Variants in PHF20 observed in about 807,000 individuals in gnomAD.
The protein encoded by PHF20 is PHD finger protein 20.
A neutral mutation model predicts 113.5 loss-of-function variants in PHF20; 23 were observed. That is an observed-to-expected ratio of 0.20 (90% CI 0.15 to 0.29). The LOEUF (loss-of-function observed/expected upper bound fraction) is 0.29, where lower values mean the gene tolerates loss of function less well. Among genes scored for constraint, PHF20 ranks in the 10% least tolerant of loss-of-function variants. The pLI is 1.00. For missense variants in PHF20, 943 were observed against 1,219.6 expected, an observed-to-expected ratio of 0.77 and a Z score of 3.38; for synonymous variants, 434 against 457.3, an observed-to-expected ratio of 0.95 and a Z score of 0.65.
At chr20:35,886,389 G>A (rs1336508968) in intron 9 of PHF20, among the ~76,000 whole-genome samples, 2 of 152,048 alleles carry the variant, frequency 1.3e-5, no homozygotes, top group East Asian at 1.9e-4. Flanking sequence ...CCCTCCCAAA[G>A]TGTTGGGATT....
intron 3 of PHF20, among the ~76,000 whole-genome samples, chr20:35,846,152 C>A (rs1346897104): frequency 2.0e-5 from 3 of 151,398 alleles, no homozygotes; most frequent in Admixed American, 1.3e-4. Context: ...CAGTATTGTT[C>A]CATTTGACTT....
Position 35,847,318 on chromosome 20 carries a change from C to G in PHF20, c.256-32C>G. The G allele has an allele frequency of 2.2e-6, 3 of 1,350,352 alleles. No individual in the cohort carries two copies. In the South Asian group the frequency reaches 3.7e-5, roughly 16 times the overall value. 83.6% of individuals were successfully genotyped at this position (1,350,352 alleles called of 1,614,324 possible). Reference sequence around the variant, plus strand: ...ATGTCCTGTGAAATTAGGTTGGTAACAGGATCTTTTTTTTTTTTTTATGTT... The same window carrying G: ...ATGTCCTGTGAAATTAGGTTGGTAAGAGGATCTTTTTTTTTTTTTTATGTT... On this transcript the variant is annotated intron_variant, in intron 3 of 17. Transcript: ENST00000374012.
chr20:35,856,730 G>A (rs994729194), intron 4 of PHF20, among the ~76,000 whole-genome samples: 1 of 152,164 alleles, frequency 6.6e-6, no homozygotes, highest in Non-Finnish European at 1.5e-5. Flanking sequence ...AACTGTTGTG[G>A]GTATTTGAGC....
intron 1 of PHF20, among the ~76,000 whole-genome samples, chr20:35,793,688 T>C (rs2041604896): frequency 6.6e-6 from 1 of 151,810 alleles, no homozygotes; most frequent in South Asian, 2.1e-4. Context: ...CAATTACTTA[T>C]CTCTGTCAGA....
intron 6 of PHF20, among the ~76,000 whole-genome samples, chr20:35,866,450 A>ACC (rs1297276103): frequency 2.0e-5 from 3 of 152,142 alleles, no homozygotes; most frequent in African/African-American, 7.2e-5. Context: ...CAGATGGGGA[A>ACC]CCCCAGTTGA....
chr20:35,821,319 C>T (rs1439408058), intron 2 of PHF20, among the ~76,000 whole-genome samples: 1 of 151,192 alleles, frequency 6.6e-6, no homozygotes, highest in Non-Finnish European at 1.5e-5. Flanking sequence ...CCTGTAATCC[C>T]AGTTACTCAG....
At chr20:35,896,799 C>CAA (rs34377497) in intron 9 of PHF20, among the ~76,000 whole-genome samples, 9,046 of 62,248 alleles carry the variant, frequency 0.15, 468 homozygotes, top group South Asian at 0.2. Context: ...GACTCCGTCT[C>CAA]AAAAAAAAAA....
At chr20:35,807,536 A>AGAGGCG (rs1270256044) in intron 2 of PHF20, among the ~76,000 whole-genome samples, 2 of 151,924 alleles carry the variant, frequency 1.3e-5, no homozygotes, top group Non-Finnish European at 2.9e-5. Context: ...ATGTTTTAGT[A>AGAGGCG]GAGGCGGGGT....
At chr20:35,842,375 G>A (rs2042550981) in intron 2 of PHF20, among the ~76,000 whole-genome samples, 198 bp from the exon 3 acceptor site, 1 of 152,044 alleles carries the variant, frequency 6.6e-6, no homozygotes, top group South Asian at 2.1e-4. Context: ...CATAAACTAA[G>A]GAATATGCAG....
intron 2 of PHF20, among the ~76,000 whole-genome samples, chr20:35,839,711 T>C (rs1008967931): frequency 1.3e-5 from 2 of 152,192 alleles, no homozygotes; most frequent in African/African-American, 2.4e-5. Flanking sequence ...TTATGTCTTT[T>C]GTTAATATTT....
At chr20:35,787,274 G>A (rs1315568696) in intron 1 of PHF20, among the ~76,000 whole-genome samples, 2 of 151,884 alleles carry the variant, frequency 1.3e-5, no homozygotes, top group East Asian at 3.9e-4. Flanking sequence ...CTGCCTCCCA[G>A]GTTCAAGCGA....
intron 3 of PHF20, among the ~76,000 whole-genome samples, chr20:35,843,836 C>T (rs1322156422): frequency 6.6e-6 from 1 of 152,094 alleles, no homozygotes; most frequent in Non-Finnish European, 1.5e-5. Context: ...CCTTGGTCTC[C>T]CACAGTGCTA....
At chr20:35,836,999 G>A (rs914944054) in intron 2 of PHF20, among the ~76,000 whole-genome samples, 4 of 151,668 alleles carry the variant, frequency 2.6e-5, no homozygotes, top group East Asian at 1.9e-4. Context: ...GCAAAACCCC[G>A]TTTCTACAAA....
At position 35,949,026 on chromosome 20, in the gene PHF20, T is replaced by C. The variant is rs2056133145; in HGVS notation, c.*1399T>C. 1 of 152,670 alleles carries C rather than the reference T, an allele frequency of 6.6e-6. No homozygotes were observed. Among genetic ancestry groups the C allele is most frequent in the Non-Finnish European group, 1.5e-5 (1 of 68,038 alleles). The allele number at this position is 152,670 out of a possible 1,614,324, so 9.5% of individuals were successfully genotyped here. On this transcript the variant is annotated 3_prime_UTR_variant, in exon 18 of 18. Transcript: ENST00000374012. Reference sequence around the variant, plus strand: ...AGTTAAGCACAGGTCATTGTGGACATGAATTCAGGCCTCTGTACTAAAATC... The same window carrying C: ...AGTTAAGCACAGGTCATTGTGGACACGAATTCAGGCCTCTGTACTAAAATC...
At chr20:35,896,297 CAGTGG>C (rs2054981772) in intron 9 of PHF20, among the ~76,000 whole-genome samples, 1 of 151,974 alleles carries the variant, frequency 6.6e-6, no homozygotes, top group Admixed American at 6.6e-5. Flanking sequence ...TACCTGCTTC[CAGTGG>C]AGATTGTGTG....
chr20:35,925,430 T>G (rs1248980445), intron 13 of PHF20, among the ~76,000 whole-genome samples: 1 of 151,932 alleles, frequency 6.6e-6, no homozygotes, highest in Non-Finnish European at 1.5e-5. Flanking sequence ...GCCTCCCTAA[T>G]TTTTGTATTT....
intron 1 of PHF20, among the ~76,000 whole-genome samples, chr20:35,796,043 G>A (rs1027841195): frequency 6.6e-5 from 10 of 151,974 alleles, no homozygotes; most frequent in Admixed American, 3.3e-4. Flanking sequence ...GTGGAGACGG[G>A]GTTTCACTAT....
At chr20:35,814,241 A>G (rs1182073963) in intron 2 of PHF20, among the ~76,000 whole-genome samples, 1 of 151,360 alleles carries the variant, frequency 6.6e-6, no homozygotes, top group Non-Finnish European at 1.5e-5. Context: ...TTTTTTTGAG[A>G]TAGTCTTGGT....
At chr20:35,903,752 G>A (rs989640798) in intron 10 of PHF20, among the ~76,000 whole-genome samples, 2 of 152,118 alleles carry the variant, frequency 1.3e-5, no homozygotes, top group Non-Finnish European at 2.9e-5. Flanking sequence ...CAAGAGCCTC[G>A]GTATTATCAT....
Sources: gnomAD v4.1 joint callset for allele counts (sites outside exome capture counted in the v4.1 genomes callset) on GRCh38, gnomAD v4.1.1 for gene constraint, MANE v1.5 for transcripts, NCBI Gene and HGNC (gene_info 2026-07-23, HGNC 2026-07-21) for gene names.